The following DACT2 variants were observed in gnomAD, a reference collection of about 807,000 sequenced individuals.
DACT2 encodes the protein dishevelled binding antagonist of beta catenin 2, also known as dapper homolog 2.
Under a neutral mutation model 22.2 loss-of-function variants are expected in DACT2, and 20 were observed. That is an observed-to-expected ratio of 0.90 (90% CI 0.63 to 1.31). DACT2 has a LOEUF of 1.31. Ranked by LOEUF, DACT2 falls within the 50% of genes most tolerant of loss-of-function variation. DACT2 has a pLI of 0.00. For synonymous variants in DACT2, 463 were observed against 479.8 expected (o/e 0.96, Z 0.46); for missense variants, 1,048 against 1,061.4 (o/e 0.99, Z 0.18).
Position 168,308,993 on chromosome 6 carries a change from A to T in DACT2, c.764T>A (p.Val255Glu). The change falls in exon 4 of 4, where the codon GTG (valine) becomes GAG (glutamate). Residue 255 changes from valine to glutamate, a missense_variant. Val to Glu is a moderately radical substitution (Grantham distance 121, BLOSUM62 -2). Coordinates refer to ENST00000366795, the MANE Select transcript of DACT2 (RefSeq NM_214462.5). ...GTCCTGCCGATACTTGGGGTCCGGCACGTGCAGCGGGATATCCACCCCCTG... is the reference window on the plus strand; with the variant it reads ...GTCCTGCCGATACTTGGGGTCCGGCTCGTGCAGCGGGATATCCACCCCCTG... ...LCQGVDIPLH[V>E]PDPKYRQDLV... 6.5e-7 allele frequency: 1 copy of T among 1,549,146 alleles called. No individual in the cohort carries two copies. The highest frequency in any genetic ancestry group is 2.0e-5 in the Admixed American group (1 of 50,998).
At chr6:168,294,475 C>A (rs576659879) in intron 4 of DACT2, among the ~76,000 whole-genome samples, 10 of 150,910 alleles carry the variant, frequency 6.6e-5, no homozygotes, top group African/African-American at 2.5e-4. Context: ...CCCGCTCCCC[C>A]CACCCCACAA....
chr6:168,309,795 CCCTCCTGGGCCAGCG>C (rs1405801707), intron 3 of DACT2, among the ~76,000 whole-genome samples: 1 of 152,226 alleles, frequency 6.6e-6, no homozygotes, highest in Non-Finnish European at 1.5e-5. Flanking sequence ...CAACTACAGC[CCCTCCTGGGCCAGCG>C]GGTGGGATCC....
At chr6:168,311,558 A>ATACACCCATC (rs1562498425) in intron 1 of DACT2, among the ~76,000 whole-genome samples, 4 of 75,218 alleles carry the variant, frequency 5.3e-5, no homozygotes, top group African/African-American at 2.5e-4. Context: ...ACATACACAC[A>ATACACCCATC]CTCACACACA....
At chr6:168,319,258 T>G in intron 1 of DACT2, 130 bp downstream of exon 1, 1 of 902,642 alleles carries the variant, frequency 1.1e-6, no homozygotes, top group Non-Finnish European at 1.4e-6. Context: ...CTGCATTCCA[T>G]TCAAATCCCA....
At chr6:168,293,696 G>A (rs547528041) in exon 6 of DACT2, 16 of 589,064 alleles carry the variant, frequency 2.7e-5, no homozygotes, top group African/African-American at 2.0e-4. Flanking sequence ...TCCACGTAAA[G>A]GAAATTCCAC....
chr6:168,308,086 G>T lies in DACT2; in HGVS notation c.1671C>A (p.Pro557=), dbSNP rs776250277. The T allele has an allele frequency of 1.1e-4, 169 of 1,544,598 alleles. No individual in the cohort carries two copies. Among genetic ancestry groups the T allele is most frequent in the Non-Finnish European group, 1.4e-4 (160 of 1,143,116 alleles). The change falls in exon 4 of 4, where the codon CCC becomes CCA. Residue 557 remains proline (P), a synonymous_variant. Transcript: ENST00000366795. ...QRRPALAWEA[P]GRSCSESTLY... is the part of the protein sequence containing the mutation. ...GGGTGGACTCAGAACAGGAGCGCCC[G>T]GGTGCCTCCCAGGCCAGGGCTGGCC...
chr6:168,310,202 C>A lies in DACT2; in HGVS notation c.624G>T (p.Pro208=). 2 of 1,550,652 alleles carry A rather than the reference C, an allele frequency of 1.3e-6. No homozygotes were observed. Among genetic ancestry groups the A allele is most frequent in the Non-Finnish European group, 1.7e-6 (2 of 1,146,942 alleles). ...CAGGCCTGGGCCAGAATGTGCCCCA[C>A]GGCTGGCCTGCATCCTCCACGCTCC... ...PPGSVEDAGQ[P]WGTFWPRPVS... is the part of the protein sequence containing the mutation. The change falls in exon 3 of 4, where the codon CCG becomes CCT. Residue 208 remains proline (P), a synonymous_variant. Coordinates refer to ENST00000366795, the MANE Select transcript of DACT2 (RefSeq NM_214462.5).
chr6:168,314,854 G>A (rs568406042), intron 1 of DACT2, among the ~76,000 whole-genome samples: 4 of 152,314 alleles, frequency 2.6e-5, no homozygotes, highest in African/African-American at 9.6e-5. Flanking sequence ...TAAGTTTAAA[G>A]GAGGTCTGTC....
chr6:168,307,480 C>G lies in DACT2; in HGVS notation c.2277G>C (p.Lys759Asn), dbSNP rs1250627473. The stretch of plus-strand genomic sequence containing the variant: ...GGGCCGTCGGCTGGAACCTGCGGAT[C>G]TTCTTCTTCAGGGCCTTGGAGGCCT... Reference protein sequence around the residue: ...RIKASKALKKKIRRFQPTALK... With the variant: ...RIKASKALKKNIRRFQPTALK... Residue 759 changes from lysine (K) to asparagine (N), a missense_variant, in exon 4 of 4, where the codon AAG (lysine) becomes AAC (asparagine). Transcript: ENST00000366795. This position sits in a 1 kb window ranked among gnomAD's most constrained non-coding sequence, Gnocchi z 5.3. 6.4e-7 allele frequency: 1 copy of G among 1,551,582 alleles called. No homozygotes were observed. The highest frequency in any genetic ancestry group is 8.7e-7 in the Non-Finnish European group (1 of 1,146,980).
intron 3 of DACT2, among the ~76,000 whole-genome samples, chr6:168,296,903 T>C (rs910523681): frequency 6.6e-6 from 1 of 152,048 alleles, no homozygotes; most frequent in Non-Finnish European, 1.5e-5. Context: ...AACCTGTAAC[T>C]TACCACTCAC....
At chr6:168,294,493 C>T (rs983214235) in intron 4 of DACT2, 8 of 628,182 alleles carry the variant, frequency 1.3e-5, no homozygotes, top group East Asian at 2.8e-5. Context: ...CAACAGGCCC[C>T]GGTGTGTGAT....
In DACT2 at chr6:168,308,686, T is replaced by C. The variant is rs781216476; in HGVS notation, c.1071A>G (p.Leu357=). The change falls in exon 4 of 4, where the codon CTA becomes CTG. Residue 357 remains leucine, a synonymous_variant. Coordinates refer to ENST00000366795, the MANE Select transcript of DACT2 (RefSeq NM_214462.5). ...GTGGAGATGGGGACGCTGCATGCCT[T>C]AGAGGTCCCTGTTCTCCCTCGCTAC... ...AKGSEGEQGP[L]RHAASPSPQR... 3.9e-6 allele frequency: 6 copies of C among 1,546,414 alleles called. No homozygotes were observed. Among genetic ancestry groups the C allele is most frequent in the Non-Finnish European group, 5.2e-6 (6 of 1,146,844 alleles).
At position 168,309,099 on chromosome 6, in the gene DACT2, C is replaced by T. The variant is rs1169816399; in HGVS notation, c.659-1G>A. 6.6e-7 allele frequency: 1 copy of T among 1,508,968 alleles called. No homozygotes were observed. The highest frequency in any genetic ancestry group is 8.8e-7 in the Non-Finnish European group (1 of 1,130,442). 93.5% of individuals were successfully genotyped at this position (1,508,968 alleles called of 1,614,324 possible). A position where few individuals can be genotyped will look rare whatever the true frequency, so the allele number is the denominator to read the frequency against. On this transcript the variant is annotated splice_acceptor_variant, in intron 3 of 3. Transcript: ENST00000366795. LOFTEE classifies it high-confidence loss of function. ...GCCGGCAGGGCTCTGTCAAGATCAC[C>T]TGGGAGCGAGAAAAATGAACAAACA... is the stretch of plus-strand genomic sequence containing the variant.
At position 168,308,750 on chromosome 6, in the gene DACT2, C is replaced by G. The variant is rs911540065; in HGVS notation, c.1007G>C (p.Arg336Thr). 3.9e-6 allele frequency: 6 copies of G among 1,551,346 alleles called. No individual in the cohort carries two copies. The highest frequency in any genetic ancestry group is 5.2e-6 in the Non-Finnish European group (6 of 1,147,040). ...CTCCCGGCCCCACAGATGCAGCAAC[C>G]TGTCGATATAAGCTCTGGCCCTGGC... ...GPARARAYID[R>T]LLHLWGRETP... Residue 336 changes from arginine to threonine, a missense_variant, in exon 4 of 4, where the codon AGG becomes ACG. Coordinates refer to ENST00000366795, the MANE Select transcript of DACT2 (RefSeq NM_214462.5).
Position 168,308,128 on chromosome 6 carries a change from C to T in DACT2, c.1629G>A (p.Arg543=). 1 of 1,548,630 alleles carries T rather than the reference C, an allele frequency of 6.5e-7. No individual in the cohort carries two copies. Among genetic ancestry groups the T allele is most frequent in the Non-Finnish European group, 8.7e-7 (1 of 1,145,568 alleles). The change falls in exon 4 of 4, where the codon AGG becomes AGA. Residue 543 remains arginine, a synonymous_variant. Coordinates refer to ENST00000366795, the MANE Select transcript of DACT2 (RefSeq NM_214462.5). ...EWDPAHWPTG[R]GGLQRRPALA... ...GGGCTGGCCTCCGCTGGAGCCCGCCCCTCCCTGTGGGCCAGTGGGCAGGGT... is the reference window on the plus strand; with the variant it reads ...GGGCTGGCCTCCGCTGGAGCCCGCCTCTCCCTGTGGGCCAGTGGGCAGGGT...
intron 1 of DACT2, among the ~76,000 whole-genome samples, chr6:168,313,197 C>T (rs1050534149): frequency 6.6e-6 from 1 of 152,184 alleles, no homozygotes; most frequent in Admixed American, 6.5e-5. Flanking sequence ...GTGCCTGCCA[C>T]CATGCCCAGC....
rs979187303 is a variant in DACT2 at position 168,296,451 on chromosome 6, G to A, written c.659-1747C>T. ...GGGAAACAGCGGATCCATCCACAGC[G>A]GTGAGGAGATGGTCATGGAGGTCAT... is the stretch of plus-strand genomic sequence containing the variant. On this transcript the variant is annotated intron_variant, in intron 3 of 5. Transcript: ENST00000366796. Among the ~76,000 whole-genome samples the A allele has an allele frequency of 1.4e-4, 20 of 145,728 alleles. No individual in the cohort carries two copies. In the East Asian group the frequency reaches 1.8e-3, roughly 13 times the overall value.
chr6:168,319,293 A>C (rs1779586492), intron 1 of DACT2, 95 bp downstream of exon 1: 3 of 1,079,660 alleles, frequency 2.8e-6, no homozygotes, highest in Non-Finnish European at 1.2e-6. Context: ...CATCCATCAG[A>C]CACCCCCGTC....
chr6:168,305,802 G>T (rs1210893343), downstream of DACT2, among the ~76,000 whole-genome samples: 2 of 152,196 alleles, frequency 1.3e-5, no homozygotes, highest in African/African-American at 4.8e-5. Context: ...CCATCCATGA[G>T]TGGGTTTGAA....
Sources: gnomAD v4.1 joint callset for allele counts (sites outside exome capture counted in the v4.1 genomes callset) on GRCh38, gnomAD v4.1.1 for gene constraint, Gnocchi (gnomAD v3.1) non-coding constraint, MANE v1.5 for transcripts, NCBI Gene and HGNC (gene_info 2026-07-23, HGNC 2026-07-21) for gene names.